PARP6: variants seen among roughly 807,000 people sequenced by gnomAD.
PARP6 encodes the protein poly(ADP-ribose) polymerase family member 6, also known as protein mono-ADP-ribosyltransferase PARP6.
In PARP6, 27 loss-of-function variants were observed where a neutral mutation model predicts 92.0. The observed-to-expected ratio is 0.29, with a 90% confidence interval of 0.22 to 0.40. PARP6 has a LOEUF of 0.40. PARP6 is among the 10% of genes least tolerant of loss of function. The probability of loss-of-function intolerance (pLI) is 1.00; values close to 1 mark genes in which losing one functional copy is unlikely to be tolerated. For missense variants in PARP6, 501 were observed against 784.5 expected (o/e 0.64, Z 4.32); for synonymous variants, 272 against 281.2 (o/e 0.97, Z 0.33).
At chr15:72,266,679 A>C in intron 4 of PARP6, 66 bp downstream of exon 4, 1 of 1,141,336 alleles carries the variant, frequency 8.8e-7, no homozygotes, top group Non-Finnish European at 1.3e-6. Flanking sequence ...TTCACTCCTG[A>C]TGTATCCAAA....
chr15:72,257,512 C>T, intron 12 of PARP6, 72 bp from the exon 13 acceptor site: 1 of 1,217,112 alleles, frequency 8.2e-7, no homozygotes, highest in South Asian at 1.2e-5. Flanking sequence ...AGGGACAGTC[C>T]TAACCTCAGA....
rs1282073680 is a variant in PARP6, at chr15:72,265,880, C to A, written c.176+17G>T. On this transcript the variant is annotated intron_variant, in intron 5 of 23. Transcript: ENST00000569795. ...GAAGTGACTTGCTCCCCTGCCACCC[C>A]TGAAGTAGAGTCCCACCTGATGGAT... The A allele has an allele frequency of 6.4e-7, 1 of 1,571,802 alleles. No homozygotes were observed. The highest frequency in any genetic ancestry group is 8.8e-7 in the Non-Finnish European group (1 of 1,141,424).
intron 8 of PARP6, among the ~76,000 whole-genome samples, chr15:72,262,837 T>G (rs1424988526): frequency 6.6e-6 from 1 of 152,206 alleles, no homozygotes; most frequent in Non-Finnish European, 1.5e-5. Flanking sequence ...CTGCCTACCC[T>G]GCTGGTTTCT....
In PARP6 at chr15:72,261,601, T is replaced by G; in HGVS notation, c.502A>C (p.Lys168Gln). The change falls in exon 9 of 24, where the codon AAG becomes CAG. Residue 168 changes from lysine to glutamine, a missense_variant. By Grantham distance (53) the Lys-to-Gln change is moderately conservative. Coordinates refer to ENST00000569795, the MANE Select transcript of PARP6 (RefSeq NM_001323532.2). ...HSWFKASGTI[K>Q]KFRAGLSIFS... ...ATGCTGAGGCCAGCTCGGAACTTCTTGATGGTACCACTTGCCTTGAACCAA... is the reference window on the plus strand; with the variant it reads ...ATGCTGAGGCCAGCTCGGAACTTCTGGATGGTACCACTTGCCTTGAACCAA... 6.2e-7 allele frequency: 1 copy of G among 1,614,164 alleles called. No homozygotes were observed. The highest frequency in any genetic ancestry group is 8.5e-7 in the Non-Finnish European group (1 of 1,180,028).
intron 20 of PARP6, chr15:72,249,033 C>A: frequency 2.5e-6 from 1 of 396,060 alleles, no homozygotes; most frequent in Non-Finnish European, 4.6e-6. Context: ...TGAATAAAAC[C>A]ATCATTTTTA....
chr15:72,242,081 C>T lies in PARP6; in HGVS notation c.1705+76G>A, dbSNP rs995789600. On this transcript the variant is annotated intron_variant, in intron 22 of 23. Coordinates refer to ENST00000569795, the MANE Select transcript of PARP6 (RefSeq NM_001323532.2). This position sits in a 1 kb window ranked among gnomAD's most constrained non-coding sequence, Gnocchi z 4.3. ...CATGCCACTTCAACATCACTCTTGG[C>T]CAGATCATGTGCCAAAATTACATCA... 152 of 1,497,940 alleles carry T rather than the reference C, an allele frequency of 1.0e-4. No homozygotes were observed. The highest frequency in any genetic ancestry group is 1.8e-4 in the Admixed American group (11 of 59,692). The allele number at this position is 1,497,940 out of a possible 1,614,324, so 92.8% of individuals were successfully genotyped here.
At position 72,241,475 on chromosome 15, in the gene PARP6, T is replaced by G. The variant is rs1032271103; in HGVS notation, c.1873A>C (p.Thr625Pro). 6.2e-7 allele frequency: 1 copy of G among 1,613,990 alleles called. No homozygotes were observed. The highest frequency in any genetic ancestry group is 8.5e-7 in the Non-Finnish European group (1 of 1,179,890). ...CCCCCTCAGTTTGTGTAAACCTGAG[T>G]TCCGATCACACGCATGATTTCCTTC... ...IQKEIMRVIG[T>P]QVYTN The change falls in exon 24 of 24, where the codon ACT becomes CCT. Residue 625 changes from threonine (T) to proline (P), a missense_variant. This residue lies in a region of PARP6 where 17 missense variants were observed against 16.5 expected (regional missense o/e 1.03). Transcript: ENST00000569795. The surrounding 1 kb of genome is among the most constrained non-coding windows in gnomAD (Gnocchi z 4.1).
At chr15:72,251,016 AG>A in intron 17 of PARP6, 62 bp from the exon 18 acceptor site, 1 of 1,261,002 alleles carries the variant, frequency 7.9e-7, no homozygotes, top group Non-Finnish European at 1.1e-6. Context: ...CAGGGAGGGA[AG>A]GGTTGGGGAT....
intron 14 of PARP6, among the ~76,000 whole-genome samples, chr15:72,255,406 A>T (rs2084938553): frequency 6.6e-6 from 1 of 151,816 alleles, no homozygotes; most frequent in Non-Finnish European, 1.5e-5. Context: ...GTGCCCACCA[A>T]CATGCCTGGC....
Position 72,242,252 on chromosome 15 carries a change from C to G in PARP6, c.1642-32G>C, listed in dbSNP as rs745507701. 6.4e-7 allele frequency: 1 copy of G among 1,565,174 alleles called. No individual in the cohort carries two copies. The highest frequency in any genetic ancestry group is 1.1e-5 in the South Asian group (1 of 90,096). On this transcript the variant is annotated intron_variant, in intron 21 of 23. Coordinates refer to ENST00000569795, the MANE Select transcript of PARP6 (RefSeq NM_001323532.2). The surrounding 1 kb of genome is among the most constrained non-coding windows in gnomAD (Gnocchi z 4.3). ...GAGAAGGAGGCAAAGGAGACCAGAGCCAGGTAGATGGGTACAGCTTTCCCT... is the reference window on the plus strand; with the variant it reads ...GAGAAGGAGGCAAAGGAGACCAGAGGCAGGTAGATGGGTACAGCTTTCCCT...
At chr15:72,266,323 C>T (rs964296154) in intron 4 of PARP6, among the ~76,000 whole-genome samples, 1 of 152,148 alleles carries the variant, frequency 6.6e-6, no homozygotes, top group Admixed American at 6.5e-5. Context: ...TGAAGAGTTA[C>T]AGGTTTCCTA....
chr15:72,248,095 A>G (rs2140925845), intron 20 of PARP6, among the ~76,000 whole-genome samples: 1 of 152,268 alleles, frequency 6.6e-6, no homozygotes, highest in Middle Eastern at 3.4e-3. Flanking sequence ...AATTCTGCTT[A>G]TCTATAGTTG....
chr15:72,246,976 T>C (rs2083693817), intron 20 of PARP6, among the ~76,000 whole-genome samples: 1 of 152,136 alleles, frequency 6.6e-6, no homozygotes, highest in Non-Finnish European at 1.5e-5. Context: ...CAGGCTGGTC[T>C]CAAACTCCCA....
chr15:72,267,649 T>TG lies in PARP6; in HGVS notation c.-173dup. 1.5e-6 allele frequency: 1 copy of TG among 666,204 alleles called. No individual in the cohort carries two copies. Among genetic ancestry groups the TG allele is most frequent in the East Asian group, 2.7e-5 (1 of 37,408 alleles). The allele number at this position is 666,204 out of a possible 1,614,324, so 41.3% of individuals were successfully genotyped here. A position where few individuals can be genotyped will look rare whatever the true frequency, so the allele number is the denominator to read the frequency against. On this transcript the variant is annotated 5_prime_UTR_variant, in exon 3 of 24. Transcript: ENST00000569795. ...TGTTGGGGATGGCAGGCTCTGCTGT[T>TG]GCGGTGGTAACAAGTCACTGTCCTG... is the stretch of plus-strand genomic sequence containing the variant.
chr15:72,242,562 T>C lies in PARP6; in HGVS notation c.1641+58A>G. On this transcript the variant is annotated intron_variant, in intron 21 of 23. Transcript: ENST00000569795. This position sits in a 1 kb window ranked among gnomAD's most constrained non-coding sequence, Gnocchi z 4.3. ...TCACCCCACTGTTTCCCTGTCCAGCTCTGGAGCCTAAATTAGCCCCAGGGA... is the reference window on the plus strand; with the variant it reads ...TCACCCCACTGTTTCCCTGTCCAGCCCTGGAGCCTAAATTAGCCCCAGGGA... 1 of 1,155,518 alleles carries C rather than the reference T, an allele frequency of 8.7e-7. No individual in the cohort carries two copies. Among genetic ancestry groups the C allele is most frequent in the East Asian group, 2.3e-5 (1 of 42,834 alleles). The allele number at this position is 1,155,518 out of a possible 1,614,324, so 71.6% of individuals were successfully genotyped here.
At chr15:72,259,754 A>G in intron 10 of PARP6, 93 bp from the exon 11 acceptor site, 2 of 1,063,316 alleles carry the variant, frequency 1.9e-6, no homozygotes, top group Non-Finnish European at 1.4e-6. Flanking sequence ...GACTCTCCTA[A>G]AGCAGCTAAA....
chr15:72,250,151 C>A, intron 18 of PARP6, 59 bp from the exon 19 acceptor site: 1 of 1,065,112 alleles, frequency 9.4e-7, no homozygotes, highest in South Asian at 1.3e-5. Context: ...GGAACACTCC[C>A]AAGACTGCCA....
chr15:72,263,518 C>A (rs2086168596), intron 8 of PARP6, among the ~76,000 whole-genome samples: 1 of 152,160 alleles, frequency 6.6e-6, no homozygotes, highest in Non-Finnish European at 1.5e-5. Flanking sequence ...GTTCACACTG[C>A]CTAAAGGATA....
At chr15:72,262,842 G>A (rs2086082178) in intron 8 of PARP6, among the ~76,000 whole-genome samples, 1 of 152,068 alleles carries the variant, frequency 6.6e-6, no homozygotes, top group South Asian at 2.1e-4. Flanking sequence ...TACCCTGCTG[G>A]TTTCTTTGGG....
Sources: allele counts gnomAD v4.1 joint callset (sites outside exome capture counted in the v4.1 genomes callset), GRCh38; gene constraint gnomAD v4.1.1; regional missense constraint gnomAD v4.1.1; non-coding constraint Gnocchi (gnomAD v3.1); transcripts MANE v1.5; gene names NCBI Gene and HGNC (gene_info 2026-07-23, HGNC 2026-07-21).